RYR3: variants seen among roughly 807,000 people sequenced by gnomAD.
RYR3 encodes ryanodine receptor 3.
In RYR3, 207 loss-of-function variants were observed where a neutral mutation model predicts 584.3. That is an observed-to-expected ratio of 0.35 (90% CI 0.32 to 0.40). The LOEUF (loss-of-function observed/expected upper bound fraction) is 0.40. Among genes scored for constraint, RYR3 ranks in the 10% least tolerant of loss-of-function variants. The pLI is 1.00. For synonymous variants in RYR3, 2,416 were observed against 2,248.5 expected (o/e 1.07, Z -2.11); for missense variants, 5,616 against 6,089.2 (o/e 0.92, Z 2.59).
rs182072242 is a variant in RYR3 at position 33,371,338 on chromosome 15, G to A, written c.51+60242G>A. On this transcript the variant is annotated intron_variant, in intron 1 of 103. Transcript: ENST00000634891. ...GCATACTTCCAAGTCAAACCAATGCGGTTGCCATGGTATCAAGGCTCCTGC... is the reference window on the plus strand; with the variant it reads ...GCATACTTCCAAGTCAAACCAATGCAGTTGCCATGGTATCAAGGCTCCTGC... Among the ~76,000 whole-genome samples, 66 of 152,250 alleles carry A rather than the reference G, an allele frequency of 4.3e-4. 1 individual carries two copies. Among genetic ancestry groups the A allele is most frequent in the East Asian group, 9.7e-4 (5 of 5,176 alleles).
At chr15:33,837,110 C>G in intron 88 of RYR3, 123 bp downstream of exon 88, 1 of 753,430 alleles carries the variant, frequency 1.3e-6, no homozygotes, top group Non-Finnish European at 2.1e-6. Flanking sequence ...GGTCAGAAAG[C>G]CAAATTTTCA....
intron 38 of RYR3, among the ~76,000 whole-genome samples, chr15:33,695,483 G>T (rs1566967982): frequency 6.6e-6 from 1 of 152,052 alleles, no homozygotes; most frequent in Non-Finnish European, 1.5e-5. Flanking sequence ...AGTCACTGTG[G>T]TTTTTTTCTC....
At chr15:33,861,680 T>G (rs528808130) in intron 102 of RYR3, among the ~76,000 whole-genome samples, 24 of 152,318 alleles carry the variant, frequency 1.6e-4, no homozygotes, top group Non-Finnish European at 3.2e-4. Context: ...TTGGGTCTTG[T>G]CAAAGGGGCC....
rs2076838802 is a variant in RYR3, at chr15:33,816,851, C to T, written c.10503-11C>T. The T allele has an allele frequency of 6.3e-7, 1 of 1,599,354 alleles. No homozygotes were observed. Among genetic ancestry groups the T allele is most frequent in the East Asian group, 2.2e-5 (1 of 44,722 alleles). Reference sequence around the variant, plus strand: ...ATCCCTCTTGACCTCCCTCTCACCCCTTCCGCTCAGGCACCGCTCTATTAA... The same window carrying T: ...ATCCCTCTTGACCTCCCTCTCACCCTTTCCGCTCAGGCACCGCTCTATTAA... On this transcript the variant is annotated splice_polypyrimidine_tract_variant and intron_variant, in intron 74 of 103. Transcript: ENST00000634891.
At chr15:33,538,005 A>G (rs1428597904) in intron 5 of RYR3, among the ~76,000 whole-genome samples, 5 of 149,628 alleles carry the variant, frequency 3.3e-5, no homozygotes, top group Non-Finnish European at 4.5e-5. Context: ...TTTTTTTTCC[A>G]GGATCAGTGA....
intron 10 of RYR3, among the ~76,000 whole-genome samples, chr15:33,553,900 T>C (rs985623757): frequency 6.6e-6 from 1 of 152,172 alleles, no homozygotes; most frequent in Non-Finnish European, 1.5e-5. Flanking sequence ...TGCCCTTCCA[T>C]TGCGTCTCTT....
Position 33,426,289 on chromosome 15 carries a change from T to A in RYR3, c.52-47130T>A, listed in dbSNP as rs187275147. On this transcript the variant is annotated intron_variant, in intron 1 of 103. Coordinates refer to ENST00000634891, the MANE Select transcript of RYR3 (RefSeq NM_001036.6). ...AATTACTGAGTTGAAAAATGTTAAT[T>A]TTTTTTAAGAAAACGTGGCAAATGT... Among the ~76,000 whole-genome samples the A allele has an allele frequency of 4.1e-4, 62 of 152,276 alleles. No individual in the cohort carries two copies. The East Asian group carries it at 7.5e-3, about 19-fold the overall frequency.
chr15:33,680,649 C>T (rs1463433662), intron 38 of RYR3, among the ~76,000 whole-genome samples: 6 of 152,188 alleles, frequency 3.9e-5, no homozygotes. Flanking sequence ...GAAAATGGAA[C>T]ATGCTAGTTG....
intron 94 of RYR3, chr15:33,851,991 A>G (rs1337758236): frequency 2.2e-4 from 33 of 152,034 alleles, no homozygotes; most frequent in Admixed American, 2.2e-3. Context: ...AAGACAAAGA[A>G]ACTGCTTTAA....
intron 38 of RYR3, among the ~76,000 whole-genome samples, chr15:33,675,884 A>G (rs568243717): frequency 3.8e-4 from 58 of 152,214 alleles, no homozygotes; most frequent in Non-Finnish European, 7.2e-4. Context: ...GCAGGGAGAC[A>G]TTGGGAACAG....
intron 1 of RYR3, among the ~76,000 whole-genome samples, chr15:33,387,519 C>T (rs965247791): frequency 6.6e-6 from 1 of 152,062 alleles, no homozygotes; most frequent in Non-Finnish European, 1.5e-5. Flanking sequence ...TTGAGAATAG[C>T]CATCTTGATG....
In RYR3 at chr15:33,507,861, A is replaced by C. The variant is rs116736947; in HGVS notation, c.279+4123A>C. Among the ~76,000 whole-genome samples the C allele has an allele frequency of 3.7e-3, 559 of 152,250 alleles. 3 individuals carry two copies. Among genetic ancestry groups the C allele is most frequent in the African/African-American group, 0.013 (529 of 41,528 alleles). On this transcript the variant is annotated intron_variant, in intron 3 of 103. Transcript: ENST00000634891. ...AATCTATCTCGTAGGACTGGGTGAG[A>C]ATTAAATGAGATCAGTGCCTACAAC...
intron 43 of RYR3, among the ~76,000 whole-genome samples, chr15:33,711,499 T>C (rs2067121042): frequency 1.3e-5 from 2 of 152,154 alleles, no homozygotes; most frequent in Admixed American, 6.5e-5. Flanking sequence ...CGCCTCGGCC[T>C]CCCAAAGTGC....
intron 93 of RYR3, among the ~76,000 whole-genome samples, chr15:33,845,849 TAACA>T (rs749143887): frequency 6.6e-6 from 1 of 152,246 alleles, no homozygotes; most frequent in Non-Finnish European, 1.5e-5. Flanking sequence ...CATTGCTGCA[TAACA>T]AACCACTCTA....
chr15:33,799,740 C>T (rs1424171206), intron 67 of RYR3, among the ~76,000 whole-genome samples: 3 of 152,286 alleles, frequency 2.0e-5, no homozygotes, highest in Non-Finnish European at 4.4e-5. Context: ...GACTTGAGAC[C>T]GGCATCTGAA....
Position 33,853,056 on chromosome 15 carries a change from A to G in RYR3, c.13640A>G (p.Asn4547Ser). ...GTTTTGTTTTTCAGATCTTTTCCTA[A>G]TAACTACTGGGACAAGTTTGTAAAG... ...RLVINTPSFP[N>S]NYWDKFVKRK... The change falls in exon 95 of 104, where the codon AAT (asparagine) becomes AGT (serine). Residue 4547 changes from asparagine (N) to serine (S), a missense_variant. Asn to Ser is a conservative substitution (Grantham distance 46). Transcript: ENST00000634891. 6.2e-7 allele frequency: 1 copy of G among 1,606,992 alleles called. No homozygotes were observed. The highest frequency in any genetic ancestry group is 1.1e-5 in the South Asian group (1 of 89,268).
At chr15:33,529,779 T>A (rs896616466) in intron 3 of RYR3, among the ~76,000 whole-genome samples, 7 of 152,212 alleles carry the variant, frequency 4.6e-5, no homozygotes, top group Non-Finnish European at 1.0e-4. Flanking sequence ...CCATTTTCCA[T>A]GCGACCTACT....
At chr15:33,363,406 A>C (rs1030791476) in intron 1 of RYR3, among the ~76,000 whole-genome samples, 9 of 152,210 alleles carry the variant, frequency 5.9e-5, no homozygotes, top group African/African-American at 2.2e-4. Context: ...TGTTTTAACC[A>C]GTACTGATTT....
intron 60 of RYR3, 45 bp from the exon 61 acceptor site, chr15:33,768,613 C>T: frequency 6.3e-7 from 1 of 1,587,664 alleles, no homozygotes; most frequent in Non-Finnish European, 8.7e-7. Flanking sequence ...AGCGTGAGTC[C>T]TTTAATCTCT....
Sources: gnomAD v4.1 joint callset for allele counts (sites outside exome capture counted in the v4.1 genomes callset) on GRCh38, gnomAD v4.1.1 for gene constraint, MANE v1.5 for transcripts, NCBI Gene and HGNC (gene_info 2026-07-23, HGNC 2026-07-21) for gene names.